Variants in PIP5K1C observed in about 807,000 individuals in gnomAD.
PIP5K1C encodes phosphatidylinositol-4-phosphate 5-kinase type 1 gamma.
PIP5K1C carries 45 observed loss-of-function variants against 80.1 expected under a neutral mutation model. That is an observed-to-expected ratio of 0.56 (90% CI 0.44 to 0.72). PIP5K1C has a LOEUF of 0.72. PIP5K1C is among the 30% of genes least tolerant of loss of function. The pLI, the probability that PIP5K1C is intolerant of heterozygous loss-of-function variation, is 0.00. For synonymous variants in PIP5K1C, 498 were observed against 420.1 expected (o/e 1.19, Z -2.27); for missense variants, 753 against 954.6 (o/e 0.79, Z 2.78).
At chr19:3,643,483 G>T (rs975569686) in intron 12 of PIP5K1C, 102 bp from the exon 13 acceptor site, 14 of 1,393,234 alleles carry the variant, frequency 1.0e-5, no homozygotes, top group Non-Finnish European at 1.4e-5. Flanking sequence ...CCACAGCCCA[G>T]TGCCCGCCCG....
At chr19:3,662,027 C>T in intron 3 of PIP5K1C, 26 bp from the exon 4 acceptor site, 2 of 1,562,366 alleles carry the variant, frequency 1.3e-6, no homozygotes, top group Non-Finnish European at 8.6e-7. Context: ...AGTGTCAGGG[C>T]CCCCGGCTGC....
At chr19:3,669,923 A>C (rs1251604635) in intron 1 of PIP5K1C, 2 of 152,308 alleles carry the variant, frequency 1.3e-5, no homozygotes, top group African/African-American at 4.8e-5. Flanking sequence ...GACAAGACGA[A>C]GGCACGAGGT....
chr19:3,700,248 CG>C lies in PIP5K1C; in HGVS notation c.94+48del, dbSNP rs919223395. 3.8e-6 allele frequency: 4 copies of C among 1,054,438 alleles called. No homozygotes were observed. The African/African-American group carries it at 6.8e-5, about 18-fold the overall frequency. 65.3% of individuals were successfully genotyped at this position (1,054,438 alleles called of 1,614,324 possible). On this transcript the variant is annotated intron_variant, in intron 1 of 17. Transcript: ENST00000335312. ...GGCCCCGCAGCCCCGCGACTCTCGG[CG>C]CTCGGACGAGCCCAGCGGGCCGCAG... is the stretch of plus-strand genomic sequence containing the variant.
intron 16 of PIP5K1C, chr19:3,636,943 C>A (rs2033712070): frequency 5.9e-6 from 6 of 1,010,710 alleles, no homozygotes; most frequent in Non-Finnish European, 4.7e-6. Context: ...CCCAGGGGGA[C>A]CTCCTTGAGA....
At position 3,642,909 on chromosome 19, in the gene PIP5K1C, G is replaced by T. The variant is rs772167449; in HGVS notation, c.1680C>A (p.Gly560=). The T allele has an allele frequency of 1.2e-6, 2 of 1,613,068 alleles. No individual in the cohort carries two copies. The highest frequency in any genetic ancestry group is 8.5e-7 in the Non-Finnish European group (1 of 1,179,516). ...RRRTQSSGQD[G]RPQEEPPAEE... ...GAAGGAAGGGGGTTGGGTCTCACCT[G>T]CCATCCTGTCCAGACGACTGTGTGC... Residue 560 remains glycine, a splice_region_variant and synonymous_variant, in exon 14 of 18, where the codon GGC becomes GGA. Coordinates refer to ENST00000335312, the MANE Select transcript of PIP5K1C (RefSeq NM_012398.3).
In PIP5K1C at chr19:3,700,338, G is replaced by A. The variant is rs1357686010; in HGVS notation, c.53C>T (p.Pro18Leu). The A allele has an allele frequency of 2.3e-6, 3 of 1,296,236 alleles. No homozygotes were observed. The highest frequency in any genetic ancestry group is 2.8e-5 in the Admixed American group (1 of 36,242). 80.3% of individuals were successfully genotyped at this position (1,296,236 alleles called of 1,614,324 possible). ...CTCTGCCGCCCACGCCGCCTCCGAG[G>A]GCACGGCCCCCGCCTCAGCGCTCTC... ...EAESAEAGAV[P>L]SEAAWAAESG... The change falls in exon 1 of 18, where the codon CCC becomes CTC. Residue 18 changes from proline (P) to leucine (L), a missense_variant. Coordinates refer to ENST00000335312, the MANE Select transcript of PIP5K1C (RefSeq NM_012398.3).
rs534625040 is a variant in PIP5K1C at position 3,697,862 on chromosome 19, C to T, written c.94+2435G>A. Among the ~76,000 whole-genome samples the T allele has an allele frequency of 4.3e-4, 66 of 152,264 alleles. 1 individual carries two copies. Among genetic ancestry groups the T allele is most frequent in the Non-Finnish European group, 9.3e-4 (63 of 68,046 alleles). The stretch of plus-strand genomic sequence containing the variant: ...AGCCGCATCCCAAGCCCCGGCCTTC[C>T]CGAGACCGCCCCCACGTGCCCCACG... On this transcript the variant is annotated intron_variant, in intron 1 of 17. Transcript: ENST00000335312.
In PIP5K1C at chr19:3,662,005, C is replaced by T. The variant is rs1431018763; in HGVS notation, c.220-4G>A. 1 of 1,586,104 alleles carries T rather than the reference C, an allele frequency of 6.3e-7. No individual in the cohort carries two copies. Among genetic ancestry groups the T allele is most frequent in the Non-Finnish European group, 8.6e-7 (1 of 1,168,702 alleles). On this transcript the variant is annotated splice_region_variant and splice_polypyrimidine_tract_variant and intron_variant, in intron 3 of 17. Transcript: ENST00000335312. ...CCTTCAGGGTGGAGGAGGTGGTCTG[C>T]AGGGAGACCAGAGTGTCAGGGCCCC...
intron 1 of PIP5K1C, among the ~76,000 whole-genome samples, chr19:3,699,255 TG>T (rs1478912742): frequency 7.1e-6 from 1 of 141,516 alleles, no homozygotes; most frequent in Non-Finnish European, 1.5e-5. Context: ...CCACTGGCTC[TG>T]GGGAAGGAAC....
rs541225525 is a variant in PIP5K1C at position 3,639,020 on chromosome 19, G to C, written c.1788-4C>G. The C allele has an allele frequency of 2.5e-6, 4 of 1,610,098 alleles. No individual in the cohort carries two copies. The highest frequency in any genetic ancestry group is 2.2e-5 in the East Asian group (1 of 44,864). On this transcript the variant is annotated splice_region_variant and splice_polypyrimidine_tract_variant and intron_variant, in intron 15 of 17. Coordinates refer to ENST00000335312, the MANE Select transcript of PIP5K1C (RefSeq NM_012398.3). Reference sequence around the variant, plus strand: ...ACCGGCCGGGGAAGCCTCCACCCTGGGGACAGGAGTAGACAGAGGGTCTTG... The same window carrying C: ...ACCGGCCGGGGAAGCCTCCACCCTGCGGACAGGAGTAGACAGAGGGTCTTG...
chr19:3,665,889 T>C (rs2034990383), intron 2 of PIP5K1C, among the ~76,000 whole-genome samples: 1 of 152,074 alleles, frequency 6.6e-6, no homozygotes, highest in Non-Finnish European at 1.5e-5. Context: ...GGAGACCCCA[T>C]GGACCCTCCA....
rs747963717 is a variant in PIP5K1C, at chr19:3,641,711, T to A, written c.1781A>T (p.Asp594Val). ...CCGCCGAGGCCGTGCTCACCCTGCGTCCTCCTCTTTGGGGACCACAATCTC... is the reference window on the plus strand; with the variant it reads ...CCGCCGAGGCCGTGCTCACCCTGCGACCTCCTCTTTGGGGACCACAATCTC... ...SVEIVVPKEE[D>V]AGVEASPAGA... The change falls in exon 15 of 18, where the codon GAC becomes GTC. Residue 594 changes from aspartate to valine, a missense_variant. Asp to Val is a radical substitution (Grantham distance 152, BLOSUM62 -3). This residue lies in a region of PIP5K1C where 315 missense variants were observed against 294.5 expected (regional missense o/e 1.07). Transcript: ENST00000335312. 1.2e-6 allele frequency: 2 copies of A among 1,607,600 alleles called. No individual in the cohort carries two copies. The highest frequency in any genetic ancestry group is 3.3e-5 in the Admixed American group (2 of 60,014).
chr19:3,664,535 C>T (rs528267801), intron 3 of PIP5K1C, among the ~76,000 whole-genome samples: 14 of 152,290 alleles, frequency 9.2e-5, no homozygotes, highest in Admixed American at 7.8e-4. Flanking sequence ...TCACCAGGGC[C>T]GAGAGCCCAG....
intron 1 of PIP5K1C, among the ~76,000 whole-genome samples, chr19:3,671,693 T>C (rs929724434): frequency 6.6e-6 from 1 of 152,062 alleles, no homozygotes; most frequent in Non-Finnish European, 1.5e-5. Context: ...CCGAGTGTCC[T>C]GTGGAGGAGA....
rs902845583 is a variant in PIP5K1C, at chr19:3,637,758, G to C, written c.1920+1126C>G. 1.3e-6 allele frequency: 2 copies of C among 1,530,078 alleles called. No homozygotes were observed. The highest frequency in any genetic ancestry group is 1.4e-5 in the African/African-American group (1 of 73,012). 94.8% of individuals were successfully genotyped at this position (1,530,078 alleles called of 1,614,324 possible). A position where few individuals can be genotyped will look rare whatever the true frequency, so the allele number is the denominator to read the frequency against. ...CAGCTGACTGCCAAGCAGAAGGTGG[G>C]GGGTGCCGGGGCAGGGGCAGGACCG... On this transcript the variant is annotated intron_variant, in intron 16 of 17. Coordinates refer to ENST00000335312, the MANE Select transcript of PIP5K1C (RefSeq NM_012398.3). The surrounding 1 kb of genome is among the most constrained non-coding windows in gnomAD (Gnocchi z 7.0).
At chr19:3,642,977 G>C (rs1970986578) in intron 13 of PIP5K1C, 38 bp from the exon 14 acceptor site, 1 of 1,611,588 alleles carries the variant, frequency 6.2e-7, no homozygotes, top group Admixed American at 1.7e-5. Context: ...CCCAGAAAGA[G>C]AGTGGCCCGC....
rs1469879170 is a variant in PIP5K1C at position 3,667,736 on chromosome 19, T to G, written c.95-383A>C. On this transcript the variant is annotated intron_variant, in intron 1 of 17. Transcript: ENST00000335312. ...CAAACCTCCCCCGGCTCTGACCCCCTTCACACCCAGACATGAGGTTCTGGG... is the reference window on the plus strand; with the variant it reads ...CAAACCTCCCCCGGCTCTGACCCCCGTCACACCCAGACATGAGGTTCTGGG... Among the ~76,000 whole-genome samples the G allele has an allele frequency of 3.9e-5, 6 of 152,308 alleles. No homozygotes were observed. In the East Asian group the frequency reaches 1.2e-3, roughly 29 times the overall value.
chr19:3,672,321 C>G (rs887233771), intron 1 of PIP5K1C, among the ~76,000 whole-genome samples: 1 of 152,236 alleles, frequency 6.6e-6, no homozygotes, highest in African/African-American at 2.4e-5. Flanking sequence ...GACACTGTGT[C>G]CCACACCAGC....
intron 1 of PIP5K1C, among the ~76,000 whole-genome samples, chr19:3,675,706 C>G (rs910148070): frequency 6.6e-6 from 1 of 152,176 alleles, no homozygotes; most frequent in African/African-American, 2.4e-5. Context: ...CAGGCACCCC[C>G]CAAAGCCCAT....
Sources: gnomAD v4.1 joint callset for allele counts (sites outside exome capture counted in the v4.1 genomes callset) on GRCh38, gnomAD v4.1.1 for gene constraint, gnomAD v4.1.1 regional missense constraint, Gnocchi (gnomAD v3.1) non-coding constraint, MANE v1.5 for transcripts, NCBI Gene and HGNC (gene_info 2026-07-23, HGNC 2026-07-21) for gene names.